CACNA2D3: variants seen among roughly 807,000 people sequenced by gnomAD.
The protein encoded by CACNA2D3 is calcium voltage-gated channel auxiliary subunit alpha2delta 3.
In CACNA2D3, 60 loss-of-function variants were observed where a neutral mutation model predicts 160.6. That is an observed-to-expected ratio of 0.37 (90% CI 0.30 to 0.46). CACNA2D3 has a LOEUF of 0.46. CACNA2D3 is among the 20% of genes least tolerant of loss of function. The probability of loss-of-function intolerance (pLI) is 1.00; values close to 1 mark genes in which losing one functional copy is unlikely to be tolerated. For missense variants in CACNA2D3, 1,205 were observed against 1,365.0 expected (o/e 0.88, Z 1.85); for synonymous variants, 558 against 492.9 (o/e 1.13, Z -1.75).
intron 25 of CACNA2D3, 140 bp from the exon 26 acceptor site, chr3:54,896,609 G>A (rs1341363615): frequency 4.5e-6 from 4 of 884,116 alleles, no homozygotes; most frequent in Non-Finnish European, 7.3e-6. Context: ...GTTAAGTGAG[G>A]CCCCCTCTAT....
chr3:55,028,988 G>T (rs1419898755), intron 35 of CACNA2D3, among the ~76,000 whole-genome samples: 1 of 152,102 alleles, frequency 6.6e-6, no homozygotes, highest in African/African-American at 2.4e-5. Flanking sequence ...GACATGTTTC[G>T]TGGGCTACAG....
At chr3:54,901,330 GC>G (rs1700327694) in intron 27 of CACNA2D3, 1 of 152,154 alleles carries the variant, frequency 6.6e-6, no homozygotes, top group Non-Finnish European at 1.5e-5. Context: ...TGAAGGATGA[GC>G]CCTAAGGTCA....
chr3:54,840,362 A>G (rs1259853937), intron 16 of CACNA2D3, among the ~76,000 whole-genome samples: 1 of 147,948 alleles, frequency 6.8e-6, no homozygotes, highest in African/African-American at 2.5e-5. Context: ...AAGCTTAAAT[A>G]TCTTGCCAAA....
chr3:54,899,193 T>C (rs1426210296), intron 26 of CACNA2D3, among the ~76,000 whole-genome samples: 1 of 152,234 alleles, frequency 6.6e-6, no homozygotes, highest in Non-Finnish European at 1.5e-5. Context: ...GAACCATTGC[T>C]GGTAATTGAA....
rs150851027 is a variant in CACNA2D3, at chr3:54,649,801, T to C, written c.1167+7560T>C. Among the ~76,000 whole-genome samples the C allele has an allele frequency of 2.6e-3, 393 of 152,354 alleles. 1 individual carries two copies. The highest frequency in any genetic ancestry group is 9.0e-3 in the African/African-American group (373 of 41,590). On this transcript the variant is annotated intron_variant, in intron 11 of 37. Coordinates refer to ENST00000474759, the MANE Select transcript of CACNA2D3 (RefSeq NM_018398.3). ...GCTAGGATTTCAACATAAGAATCTT[T>C]GGGAGACACATTCAGTCCATAACAC...
chr3:54,587,747 C>T (rs1015073710), intron 9 of CACNA2D3, among the ~76,000 whole-genome samples: 2 of 152,092 alleles, frequency 1.3e-5, no homozygotes, highest in African/African-American at 2.4e-5. Flanking sequence ...AAGCCGCAAA[C>T]TTCCAAAATT....
At chr3:55,038,456 A>C (rs1703878181) in intron 35 of CACNA2D3, among the ~76,000 whole-genome samples, 1 of 152,164 alleles carries the variant, frequency 6.6e-6, no homozygotes, top group Non-Finnish European at 1.5e-5. Context: ...GTGACATCAA[A>C]TGCTATAGAT....
intron 9 of CACNA2D3, among the ~76,000 whole-genome samples, chr3:54,592,568 A>G (rs140346905): frequency 5.9e-5 from 9 of 152,270 alleles, no homozygotes; most frequent in Non-Finnish European, 7.4e-5. Context: ...CTTCTGAACC[A>G]TTCATCAGAC....
intron 2 of CACNA2D3, among the ~76,000 whole-genome samples, chr3:54,234,333 C>A (rs1397193824): frequency 6.6e-6 from 1 of 151,956 alleles, no homozygotes; most frequent in Non-Finnish European, 1.5e-5. Context: ...AAGCCAAAAA[C>A]CAAAAAACAA....
chr3:54,822,787 T>TTCC (rs1703650496), intron 14 of CACNA2D3, among the ~76,000 whole-genome samples: 4 of 70,646 alleles, frequency 5.7e-5, no homozygotes, highest in East Asian at 5.5e-4. Flanking sequence ...TCTTTCTTTC[T>TTCC]TTCCTTTCTT....
chr3:54,756,056 T>G (rs1701963892), intron 12 of CACNA2D3, among the ~76,000 whole-genome samples: 1 of 152,200 alleles, frequency 6.6e-6, no homozygotes, highest in African/African-American at 2.4e-5. Flanking sequence ...ACTCAGAGTA[T>G]TTTAGGGCCT....
At position 54,404,879 on chromosome 3, in the gene CACNA2D3, TAAAAC is replaced by T. The variant is rs568754308; in HGVS notation, c.381+18108_381+18112del. Among the ~76,000 whole-genome samples the T allele has an allele frequency of 1.4e-4, 21 of 151,656 alleles. No individual in the cohort carries two copies. In the East Asian group the frequency reaches 3.9e-3, roughly 28 times the overall value. The stretch of plus-strand genomic sequence containing the variant: ...ATCTCATTTCTAATAGCATCAAAAA[TAAAAC>T]AAGATGAAATACTTAAGAATAAATT... On this transcript the variant is annotated intron_variant, in intron 4 of 37. Coordinates refer to ENST00000474759, the MANE Select transcript of CACNA2D3 (RefSeq NM_018398.3).
chr3:54,889,667 C>G (rs564228595), intron 24 of CACNA2D3, among the ~76,000 whole-genome samples: 1 of 152,158 alleles, frequency 6.6e-6, no homozygotes, highest in Non-Finnish European at 1.5e-5. Flanking sequence ...ATGGAGATGT[C>G]AGGTAGGCTG....
At chr3:54,567,752 T>A (rs1575350440) in intron 6 of CACNA2D3, among the ~76,000 whole-genome samples, 1 of 152,168 alleles carries the variant, frequency 6.6e-6, no homozygotes, top group Non-Finnish European at 1.5e-5. Flanking sequence ...GCCAGGCTGG[T>A]CTTTAACTCT....
chr3:54,164,660 A>G (rs1700416366), intron 2 of CACNA2D3, among the ~76,000 whole-genome samples: 1 of 152,082 alleles, frequency 6.6e-6, no homozygotes, highest in Non-Finnish European at 1.5e-5. Flanking sequence ...TCCCTTAGAG[A>G]CCTTCGGAGG....
At chr3:55,073,312 TTAG>T in intron 35 of CACNA2D3, 130 bp from the exon 36 acceptor site, 1 of 630,494 alleles carries the variant, frequency 1.6e-6, no homozygotes, top group Non-Finnish European at 2.9e-6. Flanking sequence ...GAAGGTAACA[TTAG>T]TAGTAAAATA....
At chr3:54,565,580 C>T (rs972564999) in intron 6 of CACNA2D3, among the ~76,000 whole-genome samples, 1 of 152,058 alleles carries the variant, frequency 6.6e-6, no homozygotes, top group East Asian at 1.9e-4. Context: ...ATGTCACTGG[C>T]CACACAGGGG....
At chr3:55,054,114 C>G (rs1462120343) in intron 35 of CACNA2D3, among the ~76,000 whole-genome samples, 1 of 151,290 alleles carries the variant, frequency 6.6e-6, no homozygotes, top group Non-Finnish European at 1.5e-5. Context: ...TGCTCATGTT[C>G]TATCTTCAAA....
chr3:54,229,327 G>A (rs1559889273), intron 2 of CACNA2D3, among the ~76,000 whole-genome samples: 2 of 152,104 alleles, frequency 1.3e-5, no homozygotes, highest in African/African-American at 4.8e-5. Flanking sequence ...GAGTAGCTGG[G>A]ACTACAGGTG....
Sources: allele counts gnomAD v4.1 joint callset (sites outside exome capture counted in the v4.1 genomes callset), GRCh38; gene constraint gnomAD v4.1.1; transcripts MANE v1.5; gene names NCBI Gene and HGNC (gene_info 2026-07-23, HGNC 2026-07-21).